CLBA1: variants seen among roughly 807,000 people sequenced by gnomAD.
CLBA1 encodes the protein clathrin binding box of aftiphilin containing 1, also known as uncharacterized protein CLBA1.
Under a neutral mutation model 28.8 loss-of-function variants are expected in CLBA1, and 30 were observed. The observed-to-expected ratio is 1.04, with a 90% CI of 0.78 to 1.41. The LOEUF (loss-of-function observed/expected upper bound fraction) is 1.41. CLBA1 is among the 40% of genes most tolerant of loss of function. CLBA1 has a pLI of 0.00. For synonymous variants in CLBA1, 160 were observed against 152.8 expected, an observed-to-expected ratio of 1.05 and a Z score of -0.35; for missense variants, 451 against 412.3, an observed-to-expected ratio of 1.09 and a Z score of -0.81.
chr14:104,988,337 T>C (rs1899926158), intron 1 of CLBA1, among the ~76,000 whole-genome samples: 1 of 147,822 alleles, frequency 6.8e-6, no homozygotes, highest in South Asian at 2.1e-4. Flanking sequence ...TATAATTTCT[T>C]TTTTTTTTTT....
chr14:104,994,684 CATCACT>C lies in CLBA1; in HGVS notation c.906_911del (p.Thr303_Ile304del), dbSNP rs773001633. ...CCCCCTCATGCGGAGGTGGCCAGCA[CATCACT>C]ATTCCAAGGAAAAGGATGTTCACTC... On this transcript the variant is annotated inframe_deletion, in exon 5 of 5. Transcript: ENST00000547315. The C allele has an allele frequency of 2.5e-6, 4 of 1,614,086 alleles. No individual in the cohort carries two copies. In the South Asian group the frequency reaches 4.4e-5, roughly 18 times the overall value.
chr14:104,995,631 C>A, downstream of CLBA1: 1 of 376,024 alleles, frequency 2.7e-6, no homozygotes, highest in South Asian at 1.1e-4. Flanking sequence ...CCTGCCAAGG[C>A]CACACAGGGG....
At position 104,986,617 on chromosome 14, in the gene CLBA1, C is replaced by A. The variant is rs748070155; in HGVS notation, c.186C>A (p.Ser62=). The A allele has an allele frequency of 1.7e-5, 27 of 1,614,114 alleles. 3 individuals carry two copies. In the South Asian group the frequency reaches 2.7e-4, roughly 16 times the overall value. The stretch of plus-strand genomic sequence containing the variant: ...TCTCCATGCCCCGTGAGGGCGGTTC[C>A]ACCTGCACTGCCCGATGTCCTGACC... ...ASISMPREGG[S]TCTARCPDPG... The change falls in exon 1 of 5, where the codon TCC becomes TCA. Residue 62 remains serine (S), a synonymous_variant. Transcript: ENST00000547315.
Position 104,986,125 on chromosome 14 carries a change from T to G in CLBA1, c.-307T>G. 2.3e-6 allele frequency: 1 copy of G among 437,002 alleles called. No individual in the cohort carries two copies. Among genetic ancestry groups the G allele is most frequent in the Non-Finnish European group, 4.3e-6 (1 of 234,774 alleles). 27.1% of individuals were successfully genotyped at this position (437,002 alleles called of 1,614,324 possible). A position where few individuals can be genotyped will look rare whatever the true frequency, so the allele number is the denominator to read the frequency against. ...TCTCTCCAGAGCAGGAGCCCCACCT[T>G]GGGCCGCCCCTCTCACACCTGCCGT... On this transcript the variant is annotated 5_prime_UTR_variant, in exon 1 of 5. Coordinates refer to ENST00000547315, the MANE Select transcript of CLBA1 (RefSeq NM_174891.4).
chr14:104,994,561 G>A (rs749417530), intron 4 of CLBA1, 37 bp from the exon 5 acceptor site: 29 of 1,572,014 alleles, frequency 1.8e-5, no homozygotes, highest in South Asian at 1.0e-4. Context: ...CTCATTGCCC[G>A]GGGTGCGCGC....
intron 4 of CLBA1, chr14:104,993,701 A>G: frequency 1.0e-6 from 1 of 985,404 alleles, no homozygotes; most frequent in Non-Finnish European, 1.2e-6. Context: ...CAAGTATTGC[A>G]GGAGGGGTGA....
At chr14:104,996,752 T>C (rs1900163326), downstream of CLBA1, among the ~76,000 whole-genome samples, 1 of 152,246 alleles carries the variant, frequency 6.6e-6, no homozygotes, top group South Asian at 2.1e-4. Context: ...CACAGGCTGA[T>C]GTCCAGAATC....
downstream of CLBA1, among the ~76,000 whole-genome samples, chr14:104,997,295 G>C (rs1028520438): frequency 6.6e-6 from 1 of 152,208 alleles, no homozygotes; most frequent in African/African-American, 2.4e-5. Context: ...CAGTTAACTT[G>C]AAGATTGGTC....
downstream of CLBA1, among the ~76,000 whole-genome samples, chr14:104,995,776 C>T (rs1388207648): frequency 1.3e-5 from 2 of 152,230 alleles, no homozygotes; most frequent in African/African-American, 4.8e-5. Context: ...TAGCCAGCAC[C>T]ATGTTGCACG....
rs1900127883 is a variant in CLBA1 at position 104,994,757 on chromosome 14, T to C, written c.976T>C (p.Ter326GlnextTer9). The C allele has an allele frequency of 6.3e-6, 10 of 1,597,188 alleles. No individual in the cohort carries two copies. Among genetic ancestry groups the C allele is most frequent in the Non-Finnish European group, 8.5e-6 (10 of 1,173,576 alleles). ...GACACTCTTTAATAGCGACGTTTGC[T>C]AAAATCAGGAGGACTTTGTACCTTT... ...KLTLFNSDVC[*>Q] The change falls in exon 5 of 5, where the codon TAA becomes CAA. Residue 326 changes from the stop codon to glutamine, a stop_lost. Coordinates refer to ENST00000547315, the MANE Select transcript of CLBA1 (RefSeq NM_174891.4).
chr14:104,998,615 A>G (rs1900208518), downstream of CLBA1, among the ~76,000 whole-genome samples: 1 of 152,212 alleles, frequency 6.6e-6, no homozygotes, highest in South Asian at 2.1e-4. Context: ...GCCCTGAAGT[A>G]GCAGGTGCGG....
At chr14:104,998,412 T>TC (rs2140901900), downstream of CLBA1, among the ~76,000 whole-genome samples, 1 of 102,720 alleles carries the variant, frequency 9.7e-6, no homozygotes, top group Admixed American at 9.8e-5. Context: ...AGACCCTATC[T>TC]CTTAAAAAAA....
chr14:104,997,930 A>C (rs1201996010), downstream of CLBA1, among the ~76,000 whole-genome samples: 1 of 152,002 alleles, frequency 6.6e-6, no homozygotes, highest in Non-Finnish European at 1.5e-5. Context: ...ACTTACTTGA[A>C]CCTGGGAGGG....
At position 104,985,854 on chromosome 14, in the gene CLBA1, C is replaced by A. The variant is rs1455336985; in HGVS notation, c.-578C>A. On this transcript the variant is annotated 5_prime_UTR_variant, in exon 1 of 5. Transcript: ENST00000547315. ...AGGTTTCTCTCGCCCTGGTCCCGCG[C>A]GGCCCCGCCGAGGCGGCGACCAAGG... The A allele has an allele frequency of 4.8e-6, 1 of 209,310 alleles. No individual in the cohort carries two copies. The highest frequency in any genetic ancestry group is 9.1e-6 in the Non-Finnish European group (1 of 109,610). The allele number at this position is 209,310 out of a possible 1,614,324, so 13.0% of individuals were successfully genotyped here. A position where few individuals can be genotyped will look rare whatever the true frequency, so the allele number is the denominator to read the frequency against.
At chr14:104,991,966 C>T (rs544087535) in intron 3 of CLBA1, among the ~76,000 whole-genome samples, 13 of 151,526 alleles carry the variant, frequency 8.6e-5, no homozygotes, top group African/African-American at 1.5e-4. Flanking sequence ...ACGCACACGC[C>T]GCCACACACA....
At chr14:104,994,217 C>T (rs576554831) in intron 4 of CLBA1, 90 of 985,394 alleles carry the variant, frequency 9.1e-5, no homozygotes, top group South Asian at 3.3e-4. Context: ...GACGTCCAGC[C>T]GCAGCTGTTT....
intron 4 of CLBA1, chr14:104,994,087 C>T (rs1486904331): frequency 9.1e-6 from 9 of 985,162 alleles, no homozygotes; most frequent in South Asian, 4.7e-5. Context: ...GGGCCCTGAT[C>T]GGCCGTCTTC....
chr14:104,985,875 C>T lies in CLBA1; in HGVS notation c.-557C>T. 1 of 252,728 alleles carries T rather than the reference C, an allele frequency of 4.0e-6. No individual in the cohort carries two copies. The highest frequency in any genetic ancestry group is 1.2e-3 in the Middle Eastern group (1 of 866). The allele number at this position is 252,728 out of a possible 1,614,324, so 15.7% of individuals were successfully genotyped here. A position where few individuals can be genotyped will look rare whatever the true frequency, so the allele number is the denominator to read the frequency against. The stretch of plus-strand genomic sequence containing the variant: ...CGCGCGGCCCCGCCGAGGCGGCGAC[C>T]AAGGTGGGTGCGGGGACTCTCGGGA... On this transcript the variant is annotated 5_prime_UTR_variant, in exon 1 of 5. Transcript: ENST00000547315.
chr14:104,993,071 G>A lies in CLBA1; in HGVS notation c.816+7G>A. On this transcript the variant is annotated splice_region_variant and intron_variant, in intron 4 of 4. Transcript: ENST00000547315. Reference sequence around the variant, plus strand: ...AGCCCTGATCCAGACCAAGGTGAGTGGTCACCAAGGAGAGGCCTCAGGGAA... The same window carrying A: ...AGCCCTGATCCAGACCAAGGTGAGTAGTCACCAAGGAGAGGCCTCAGGGAA... 1.2e-6 allele frequency: 2 copies of A among 1,611,490 alleles called. No homozygotes were observed. Among genetic ancestry groups the A allele is most frequent in the Non-Finnish European group, 1.7e-6 (2 of 1,178,648 alleles).
Sources: allele counts gnomAD v4.1 joint callset (sites outside exome capture counted in the v4.1 genomes callset), GRCh38; gene constraint gnomAD v4.1.1; transcripts MANE v1.5; gene names NCBI Gene and HGNC (gene_info 2026-07-23, HGNC 2026-07-21).